WIPF1: variants seen among roughly 807,000 people sequenced by gnomAD.
WIPF1 encodes WAS/WASL interacting protein family member 1, also known as WAS/WASL-interacting protein family member 1.
A neutral mutation model predicts 35.4 loss-of-function variants in WIPF1; 13 were observed. The ratio of observed to expected loss-of-function variants is 0.37; its 90% CI spans 0.24 to 0.58. The LOEUF (loss-of-function observed/expected upper bound fraction) is 0.58, where lower values mean the gene tolerates loss of function less well. Among genes scored for constraint, WIPF1 ranks in the 20% least tolerant of loss-of-function variants. The pLI is 0.74. For synonymous variants in WIPF1, 267 were observed against 266.3 expected (o/e 1.00, Z -0.02); for missense variants, 591 against 667.0 (o/e 0.89, Z 1.25).
chr2:174,592,382 T>C (rs1251411160), intron 1 of WIPF1, among the ~76,000 whole-genome samples: 7 of 152,174 alleles, frequency 4.6e-5, no homozygotes, highest in Non-Finnish European at 4.4e-5. Flanking sequence ...TAAAGCATTT[T>C]GCTCTATAAA....
At chr2:174,619,643 C>G (rs1014910522) in intron 1 of WIPF1, among the ~76,000 whole-genome samples, 1 of 152,054 alleles carries the variant, frequency 6.6e-6, no homozygotes, top group East Asian at 1.9e-4. Context: ...CCCCCTTTGG[C>G]TACATAAAAG....
chr2:174,598,445 G>A (rs143682795), upstream of WIPF1, among the ~76,000 whole-genome samples: 46 of 152,260 alleles, frequency 3.0e-4, no homozygotes, highest in African/African-American at 1.0e-3. Flanking sequence ...CTGAGTAGCT[G>A]AGACTACAGG....
intron 1 of WIPF1, among the ~76,000 whole-genome samples, chr2:174,668,591 A>G (rs1687943655): frequency 6.6e-6 from 1 of 152,170 alleles, no homozygotes; most frequent in Non-Finnish European, 1.5e-5. Context: ...GGACATTTAG[A>G]ATGTATGTCT....
At chr2:174,583,753 A>G (rs1365298516) in intron 2 of WIPF1, among the ~76,000 whole-genome samples, 1 of 152,218 alleles carries the variant, frequency 6.6e-6, no homozygotes, top group Non-Finnish European at 1.5e-5. Context: ...ACATGGATAA[A>G]TGAATCCTGC....
chr2:174,649,972 G>C (rs1362096536), intron 1 of WIPF1, among the ~76,000 whole-genome samples: 1 of 152,092 alleles, frequency 6.6e-6, no homozygotes, highest in African/African-American at 2.4e-5. Flanking sequence ...TGATCTTAAG[G>C]CTAAATAAAT....
chr2:174,680,746 T>G (rs1688228962), intron 1 of WIPF1, among the ~76,000 whole-genome samples: 1 of 152,206 alleles, frequency 6.6e-6, no homozygotes, highest in Non-Finnish European at 1.5e-5. Context: ...CTACCCTCTC[T>G]TCACCACCCA....
At chr2:174,563,596 T>C (rs1409053925) in intron 7 of WIPF1, among the ~76,000 whole-genome samples, 1 of 152,070 alleles carries the variant, frequency 6.6e-6, no homozygotes, top group Non-Finnish European at 1.5e-5. Flanking sequence ...AAAACCAAGC[T>C]ATTCATGGGC....
At chr2:174,679,342 C>G (rs2105998309) in intron 1 of WIPF1, among the ~76,000 whole-genome samples, 1 of 152,164 alleles carries the variant, frequency 6.6e-6, no homozygotes, top group Admixed American at 6.5e-5. Flanking sequence ...GGTGCACACT[C>G]CTGTAATCCC....
intron 1 of WIPF1, among the ~76,000 whole-genome samples, chr2:174,666,075 G>GT (rs1328027113): frequency 6.6e-6 from 1 of 152,170 alleles, no homozygotes; most frequent in African/African-American, 2.4e-5. Context: ...GAGCCCAGGA[G>GT]TATGAGACCA....
intron 1 of WIPF1, among the ~76,000 whole-genome samples, chr2:174,648,008 G>A (rs947747822): frequency 4.6e-5 from 7 of 152,114 alleles, no homozygotes; most frequent in African/African-American, 1.7e-4. Flanking sequence ...TTAGAGAGTG[G>A]GTTACATCCA....
intron 2 of WIPF1, among the ~76,000 whole-genome samples, chr2:174,582,522 G>A (rs1029895055): frequency 2.0e-5 from 3 of 152,212 alleles, no homozygotes; most frequent in Non-Finnish European, 4.4e-5. Flanking sequence ...GGAAATGTAT[G>A]GCTCAATACC....
In WIPF1 at chr2:174,572,413, G is replaced by A. The variant is rs1435025827; in HGVS notation, c.392C>T (p.Pro131Leu). The change falls in exon 5 of 8, where the codon CCG becomes CTG. Residue 131 changes from proline (P) to leucine (L), a missense_variant. By Grantham distance (98) the Pro-to-Leu change is moderately conservative. Around this residue, in one of 3 missense-constraint regions of WIPF1, gnomAD observed 471 missense variants for 501.1 expected, o/e 0.94. Coordinates refer to ENST00000679041, the MANE Select transcript of WIPF1 (RefSeq NM_001375834.1). Reference sequence around the variant, plus strand: ...TTTCGCAGATGTGGATCTTCCTCCCGGTGGCAACAATGGTGGTCGGCTTCC... The same window carrying A: ...TTTCGCAGATGTGGATCTTCCTCCCAGTGGCAACAATGGTGGTCGGCTTCC... ...SGGSRPPLLP[P>L]GGRSTSAKPF... 2.5e-6 allele frequency: 4 copies of A among 1,614,120 alleles called. No homozygotes were observed. The highest frequency in any genetic ancestry group is 2.5e-6 in the Non-Finnish European group (3 of 1,180,020).
chr2:174,673,757 T>C (rs994076563), intron 1 of WIPF1: 1 of 151,704 alleles, frequency 6.6e-6, no homozygotes, highest in Non-Finnish European at 1.5e-5. Context: ...AGGGTAAAAC[T>C]CTGATACATT....
chr2:174,589,804 G>A (rs921531065), intron 1 of WIPF1, among the ~76,000 whole-genome samples: 8 of 152,156 alleles, frequency 5.3e-5, no homozygotes, highest in Non-Finnish European at 8.8e-5. Context: ...TGCTGGCAAC[G>A]TTTAGATCCA....
chr2:174,623,792 T>C (rs976782304), intron 1 of WIPF1, among the ~76,000 whole-genome samples: 2 of 152,252 alleles, frequency 1.3e-5, no homozygotes, highest in Non-Finnish European at 2.9e-5. Context: ...CTGAAATTCA[T>C]GCCTTGGCAT....
chr2:174,659,221 G>A (rs1420305440), intron 1 of WIPF1, among the ~76,000 whole-genome samples: 1 of 152,120 alleles, frequency 6.6e-6, no homozygotes, highest in Non-Finnish European at 1.5e-5. Flanking sequence ...TCCTACCTCA[G>A]CCTCCTGAGT....
At chr2:174,574,829 C>A in intron 4 of WIPF1, 1 of 715,396 alleles carries the variant, frequency 1.4e-6, no homozygotes, top group Non-Finnish European at 2.6e-6. Context: ...ATTTACTCTA[C>A]TAGACAGCTG....
intron 1 of WIPF1, among the ~76,000 whole-genome samples, chr2:174,591,959 C>T (rs559468741): frequency 3.9e-5 from 6 of 152,346 alleles, no homozygotes; most frequent in African/African-American, 1.4e-4. Flanking sequence ...ACAGGGGACA[C>T]ATTCTCCTCA....
intron 1 of WIPF1, among the ~76,000 whole-genome samples, chr2:174,669,180 A>C (rs184665098): frequency 6.6e-6 from 1 of 152,358 alleles, no homozygotes; most frequent in East Asian, 1.9e-4. Context: ...AGTACTGCTG[A>C]GTGGTACCCA....
Sources: gnomAD v4.1 joint callset for allele counts (sites outside exome capture counted in the v4.1 genomes callset) on GRCh38, gnomAD v4.1.1 for gene constraint, gnomAD v4.1.1 regional missense constraint, MANE v1.5 for transcripts, NCBI Gene and HGNC (gene_info 2026-07-23, HGNC 2026-07-21) for gene names.